ST6GALNAC3: variants seen among roughly 807,000 people sequenced by gnomAD.
ST6GALNAC3 encodes the protein ST6 N-acetylgalactosaminide alpha-2,6-sialyltransferase 3, also known as alpha-N-acetylgalactosaminide alpha-2,6-sialyltransferase 3.
A neutral mutation model predicts 32.7 loss-of-function variants in ST6GALNAC3; 25 were observed. The observed-to-expected ratio is 0.76, with a 90% CI of 0.56 to 1.07. ST6GALNAC3 has a LOEUF of 1.07. Among genes scored for constraint, ST6GALNAC3 ranks in the 50% least tolerant of loss-of-function variants. The pLI, the probability that ST6GALNAC3 is intolerant of heterozygous loss-of-function variation, is 0.00. For missense variants in ST6GALNAC3, 355 were observed against 382.4 expected (o/e 0.93, Z 0.60); for synonymous variants, 129 against 133.1 (o/e 0.97, Z 0.21).
intron 3 of ST6GALNAC3, among the ~76,000 whole-genome samples, chr1:76,545,739 C>T (rs1664256132): frequency 6.6e-6 from 1 of 151,664 alleles, no homozygotes; most frequent in Non-Finnish European, 1.5e-5. Context: ...TCACCACAGC[C>T]TCCGCCTCTC....
At chr1:76,225,050 A>G (rs576808437) in intron 1 of ST6GALNAC3, among the ~76,000 whole-genome samples, 90 of 152,058 alleles carry the variant, frequency 5.9e-4, no homozygotes, top group African/African-American at 2.1e-3. Flanking sequence ...CAGCCAATGC[A>G]GTGACACTTG....
chr1:76,443,553 T>C (rs1656763705), intron 3 of ST6GALNAC3, among the ~76,000 whole-genome samples: 1 of 152,188 alleles, frequency 6.6e-6, no homozygotes. Context: ...AATTGTTGAC[T>C]GGAGCAGGGA....
intron 1 of ST6GALNAC3, among the ~76,000 whole-genome samples, chr1:76,236,749 T>A (rs1339945842): frequency 6.6e-6 from 1 of 152,218 alleles, no homozygotes; most frequent in Non-Finnish European, 1.5e-5. Context: ...ACCTCCTTAC[T>A]TTAGTTTTTG....
intron 3 of ST6GALNAC3, among the ~76,000 whole-genome samples, chr1:76,578,633 A>G (rs1361732332): frequency 6.6e-6 from 1 of 152,014 alleles, no homozygotes; most frequent in Non-Finnish European, 1.5e-5. Flanking sequence ...CTCCAGGCTA[A>G]AATAAACCTA....
chr1:76,096,249 G>A lies in ST6GALNAC3; in HGVS notation c.18+21365G>A, dbSNP rs1311172110. ...GAATTTTCTGTTTTCAGAGAGGCAAGGGTAGAGCTTAAACACAAACTTCTG... is the reference window on the plus strand; with the variant it reads ...GAATTTTCTGTTTTCAGAGAGGCAAAGGTAGAGCTTAAACACAAACTTCTG... On this transcript the variant is annotated intron_variant, in intron 1 of 4. Coordinates refer to ENST00000328299, the MANE Select transcript of ST6GALNAC3 (RefSeq NM_152996.4). Among the ~76,000 whole-genome samples, 5 of 152,188 alleles carry A rather than the reference G, an allele frequency of 3.3e-5. No individual in the cohort carries two copies. The South Asian group carries it at 6.2e-4, about 19-fold the overall frequency.
intron 1 of ST6GALNAC3, among the ~76,000 whole-genome samples, chr1:76,173,220 A>G (rs1270182792): frequency 6.6e-6 from 1 of 152,230 alleles, no homozygotes; most frequent in Non-Finnish European, 1.5e-5. Context: ...AACCTGATAA[A>G]AATAAGCAAT....
At chr1:76,445,722 T>G (rs1209692947) in intron 3 of ST6GALNAC3, among the ~76,000 whole-genome samples, 1 of 152,226 alleles carries the variant, frequency 6.6e-6, no homozygotes, top group Non-Finnish European at 1.5e-5. Context: ...TCTTCTAGTA[T>G]AGGACACCAT....
intron 2 of ST6GALNAC3, among the ~76,000 whole-genome samples, chr1:76,388,304 T>C (rs1321233626): frequency 2.0e-5 from 3 of 152,208 alleles, no homozygotes; most frequent in African/African-American, 2.4e-5. Flanking sequence ...GAAACCCTAC[T>C]ACTTGTTTTG....
chr1:76,471,096 A>G (rs1658995594), intron 3 of ST6GALNAC3, among the ~76,000 whole-genome samples: 1 of 152,106 alleles, frequency 6.6e-6, no homozygotes, highest in South Asian at 2.1e-4. Flanking sequence ...TCTATTGATT[A>G]AAATATTAAC....
chr1:76,464,517 T>TA (rs974598262), intron 3 of ST6GALNAC3, among the ~76,000 whole-genome samples: 24 of 152,154 alleles, frequency 1.6e-4, no homozygotes, highest in African/African-American at 5.6e-4. Flanking sequence ...TAGGAGAACT[T>TA]ACCACTTTGC....
At chr1:76,324,788 A>G (rs182502307) in intron 2 of ST6GALNAC3, among the ~76,000 whole-genome samples, 17 of 152,332 alleles carry the variant, frequency 1.1e-4, no homozygotes, top group Non-Finnish European at 1.8e-4. Context: ...GTATTATACT[A>G]TACGAGATGT....
chr1:76,346,050 A>G (rs1310970670), intron 2 of ST6GALNAC3, among the ~76,000 whole-genome samples: 1 of 148,332 alleles, frequency 6.7e-6, no homozygotes, highest in South Asian at 2.2e-4. Flanking sequence ...CCTGCTAGCT[A>G]CTCCCCCACT....
At chr1:76,243,833 C>T (rs993236702) in intron 1 of ST6GALNAC3, among the ~76,000 whole-genome samples, 3 of 152,180 alleles carry the variant, frequency 2.0e-5, no homozygotes, top group Non-Finnish European at 2.9e-5. Context: ...CAGTACCATG[C>T]TGTTTTGGTT....
At chr1:76,084,028 C>G (rs559228623) in intron 1 of ST6GALNAC3, among the ~76,000 whole-genome samples, 1 of 152,112 alleles carries the variant, frequency 6.6e-6, no homozygotes, top group South Asian at 2.1e-4. Context: ...GTTGGTTATG[C>G]CAGCCATGTT....
intron 3 of ST6GALNAC3, among the ~76,000 whole-genome samples, chr1:76,519,690 G>A (rs2101784748): frequency 6.6e-6 from 1 of 151,928 alleles, no homozygotes; most frequent in South Asian, 2.1e-4. Flanking sequence ...TCAACCCTTT[G>A]TCATCTGTAC....
rs5775354 is a variant in ST6GALNAC3, at chr1:76,599,717, CGTGTGTGTGTGT to C, written c.624-27700_624-27689del. ...TATTTTATTCCTCCCACTACCGTAT[CGTGTGTGTGTGT>C]GTGTGTGTGTGTGTGTGTGTGTGTG... On this transcript the variant is annotated intron_variant, in intron 3 of 4. Transcript: ENST00000328299. Among the ~76,000 whole-genome samples, 132 of 142,094 alleles carry C rather than the reference CGTGTGTGTGTGT, an allele frequency of 9.3e-4. 1 individual carries two copies. Among genetic ancestry groups the C allele is most frequent in the East Asian group, 5.4e-3 (26 of 4,786 alleles). The allele number at this position is 142,094 out of a possible 152,430, so 93.2% of individuals were successfully genotyped here. A position where few individuals can be genotyped will look rare whatever the true frequency, so the allele number is the denominator to read the frequency against.
chr1:76,428,278 C>A (rs1372363909), intron 3 of ST6GALNAC3, among the ~76,000 whole-genome samples: 1 of 151,974 alleles, frequency 6.6e-6, no homozygotes, highest in East Asian at 1.9e-4. Context: ...TAATCTAATT[C>A]TCTGAATGGT....
chr1:76,519,977 T>C (rs2101785759), intron 3 of ST6GALNAC3, among the ~76,000 whole-genome samples: 1 of 151,928 alleles, frequency 6.6e-6, no homozygotes, highest in South Asian at 2.1e-4. Flanking sequence ...ATTTTTACAC[T>C]TATATACACT....
At chr1:76,155,967 C>T (rs1056825522) in intron 1 of ST6GALNAC3, among the ~76,000 whole-genome samples, 5 of 152,132 alleles carry the variant, frequency 3.3e-5, no homozygotes, top group Admixed American at 2.6e-4. Context: ...ACCGCCTTAC[C>T]TTAGTTGTCA....
Sources: allele counts gnomAD v4.1 joint callset (sites outside exome capture counted in the v4.1 genomes callset), GRCh38; gene constraint gnomAD v4.1.1; transcripts MANE v1.5; gene names NCBI Gene and HGNC (gene_info 2026-07-23, HGNC 2026-07-21).